Variants in GMCL1 observed in about 807,000 individuals in gnomAD.
GMCL1 encodes germ cell-less 1, spermatogenesis associated, also known as germ cell-less protein-like 1.
A neutral mutation model predicts 75.5 loss-of-function variants in GMCL1; 54 were observed. The observed-to-expected ratio is 0.71, with a 90% CI of 0.57 to 0.90. The LOEUF is 0.90. Among genes scored for constraint, GMCL1 ranks in the 40% least tolerant of loss-of-function variants. GMCL1 has a pLI of 0.00. For missense variants in GMCL1, 537 were observed against 622.7 expected, an observed-to-expected ratio of 0.86 and a Z score of 1.47; for synonymous variants, 210 against 209.6, an observed-to-expected ratio of 1.00 and a Z score of -0.02.
chr2:69,878,333 TCAGTAATTGAAGCCAAGTAGCCAGGCA>T (rs1339425418), intron 13 of GMCL1, among the ~76,000 whole-genome samples: 1 of 152,172 alleles, frequency 6.6e-6, no homozygotes, highest in East Asian at 1.9e-4. Context: ...CCAACGGCCA[TCAGTAATTGAAGCCAAGTAGCCAGGCA>T]CAGTGGCACC....
In GMCL1 at chr2:69,829,854, C is replaced by CT; in HGVS notation, c.-37dup. 4 of 1,515,642 alleles carry CT rather than the reference C, an allele frequency of 2.6e-6. No homozygotes were observed. Among genetic ancestry groups the CT allele is most frequent in the Non-Finnish European group, 3.5e-6 (4 of 1,136,800 alleles). 93.9% of individuals were successfully genotyped at this position (1,515,642 alleles called of 1,614,324 possible). A position where few individuals can be genotyped will look rare whatever the true frequency, so the allele number is the denominator to read the frequency against. On this transcript the variant is annotated 5_prime_UTR_variant, in exon 1 of 14. An upstream open reading frame in the 5' UTR loses its in-frame stop. Coordinates refer to ENST00000282570, the MANE Select transcript of GMCL1 (RefSeq NM_178439.5). ...CGGCCGAGCCATGGCGGGAGACCCC[C>CT]TTCTCTGGGCTCCCTGAAGTCTCGG...
chr2:69,848,741 G>A (rs1438315261), intron 7 of GMCL1, among the ~76,000 whole-genome samples: 2 of 152,130 alleles, frequency 1.3e-5, no homozygotes, highest in African/African-American at 2.4e-5. Context: ...TTTACGTGCC[G>A]TGCACCATTC....
At chr2:69,851,079 C>T (rs1223129437) in intron 8 of GMCL1, among the ~76,000 whole-genome samples, 1 of 152,198 alleles carries the variant, frequency 6.6e-6, no homozygotes, top group Non-Finnish European at 1.5e-5. Context: ...TTCCTGATAA[C>T]TAATCCTTTG....
chr2:69,873,171 G>T (rs1170758037), intron 13 of GMCL1, among the ~76,000 whole-genome samples: 1 of 152,134 alleles, frequency 6.6e-6, no homozygotes, highest in Admixed American at 6.5e-5. Flanking sequence ...AAGTGTTAAA[G>T]TGAATGCATA....
chr2:69,854,411 A>T (rs1675411687), intron 8 of GMCL1, among the ~76,000 whole-genome samples: 1 of 152,204 alleles, frequency 6.6e-6, no homozygotes. Context: ...AGAAATTAAG[A>T]GATATTCTTT....
chr2:69,869,494 G>A, intron 11 of GMCL1: 1 of 391,826 alleles, frequency 2.6e-6, no homozygotes, highest in Admixed American at 4.1e-5. Flanking sequence ...AACTGATCAT[G>A]AAGAGGAAAG....
At chr2:69,853,051 A>G (rs987472934) in intron 8 of GMCL1, among the ~76,000 whole-genome samples, 3 of 152,208 alleles carry the variant, frequency 2.0e-5, no homozygotes, top group African/African-American at 7.2e-5. Flanking sequence ...AAATTCTTAC[A>G]GAAGTAAATG....
intron 6 of GMCL1, chr2:69,844,415 GA>G: frequency 3.1e-6 from 1 of 324,234 alleles, no homozygotes; most frequent in Non-Finnish European, 5.7e-6. Flanking sequence ...TGTTTTAACC[GA>G]AAAATGCATT....
intron 7 of GMCL1, 71 bp from the exon 8 acceptor site, chr2:69,849,581 A>G: frequency 3.9e-6 from 4 of 1,019,132 alleles, no homozygotes; most frequent in Non-Finnish European, 5.7e-6. Flanking sequence ...GGTGAAAGCA[A>G]TTTGAAAATG....
At chr2:69,852,829 A>T (rs1675358912) in intron 8 of GMCL1, among the ~76,000 whole-genome samples, 1 of 152,094 alleles carries the variant, frequency 6.6e-6, no homozygotes, top group African/African-American at 2.4e-5. Context: ...ATGAGCCACC[A>T]CACCTGCCAT....
At position 69,879,565 on chromosome 2, in the gene GMCL1, G is replaced by A. The variant is rs879021807; in HGVS notation, c.*561G>A. 9 of 152,154 alleles carry A rather than the reference G, an allele frequency of 5.9e-5. No homozygotes were observed. In the South Asian group the frequency reaches 1.9e-3, roughly 32 times the overall value. 9.4% of individuals were successfully genotyped at this position (152,154 alleles called of 1,614,324 possible). On this transcript the variant is annotated 3_prime_UTR_variant, in exon 14 of 14. Coordinates refer to ENST00000282570, the MANE Select transcript of GMCL1 (RefSeq NM_178439.5). ...TCTAATATCTTTCCAGGTCATACTT[G>A]TTTTTAATCATTAAATATTTTCTTC...
At chr2:69,868,718 G>A (rs967282079) in intron 11 of GMCL1, among the ~76,000 whole-genome samples, 2 of 148,864 alleles carry the variant, frequency 1.3e-5, no homozygotes, top group South Asian at 2.2e-4. Flanking sequence ...CAGCCCTTAA[G>A]AGTATTTTTA....
At chr2:69,868,337 A>T (rs1453195296) in intron 11 of GMCL1, among the ~76,000 whole-genome samples, 1 of 152,172 alleles carries the variant, frequency 6.6e-6, no homozygotes, top group Non-Finnish European at 1.5e-5. Context: ...AGTGCCTGGC[A>T]TATAATATGT....
intron 1 of GMCL1, among the ~76,000 whole-genome samples, chr2:69,831,003 T>C (rs925183321): frequency 6.6e-6 from 1 of 152,196 alleles, no homozygotes; most frequent in Non-Finnish European, 1.5e-5. Flanking sequence ...CACTGCAACC[T>C]CCACCTCCTG....
chr2:69,838,726 T>C (rs929824297), intron 2 of GMCL1, among the ~76,000 whole-genome samples: 3 of 152,228 alleles, frequency 2.0e-5, no homozygotes, highest in Non-Finnish European at 2.9e-5. Flanking sequence ...CTTTTTAATA[T>C]CTGAAAGCAG....
intron 7 of GMCL1, 105 bp downstream of exon 7, chr2:69,847,732 A>G: frequency 3.4e-6 from 2 of 591,010 alleles, no homozygotes; most frequent in Middle Eastern, 3.7e-4. Context: ...GATGGTTATA[A>G]ATGTAGGAAA....
intron 9 of GMCL1, among the ~76,000 whole-genome samples, chr2:69,855,783 G>C (rs951707845): frequency 6.6e-6 from 1 of 152,136 alleles, no homozygotes; most frequent in Admixed American, 6.6e-5. Context: ...ATTGCTTATA[G>C]TATAGCAGTT....
intron 13 of GMCL1, among the ~76,000 whole-genome samples, chr2:69,877,363 A>G (rs557164050): frequency 6.6e-5 from 10 of 152,138 alleles, no homozygotes; most frequent in African/African-American, 2.4e-4. Flanking sequence ...CCTTTGACCT[A>G]CCCTTCCCTG....
intron 12 of GMCL1, among the ~76,000 whole-genome samples, chr2:69,871,224 ATGGATGAACC>A (rs1179403383): frequency 6.6e-6 from 1 of 152,212 alleles, no homozygotes; most frequent in Non-Finnish European, 1.5e-5. Flanking sequence ...CATGCTAAAC[ATGGATGAACC>A]TGGAAGACAT....
Sources: allele counts gnomAD v4.1 joint callset (sites outside exome capture counted in the v4.1 genomes callset), GRCh38; gene constraint gnomAD v4.1.1; transcripts MANE v1.5; gene names NCBI Gene and HGNC (gene_info 2026-07-23, HGNC 2026-07-21).